Variants in MYO1B observed in about 807,000 individuals in gnomAD.
MYO1B encodes the protein unconventional myosin-Ib.
In MYO1B, 72 loss-of-function variants were observed where a neutral mutation model predicts 159.7. That is an observed-to-expected ratio of 0.45 (90% CI 0.37 to 0.55). MYO1B has a LOEUF of 0.55. Among genes scored for constraint, MYO1B ranks in the 20% least tolerant of loss-of-function variants. MYO1B has a pLI of 0.00. For synonymous variants in MYO1B, 468 were observed against 473.8 expected (o/e 0.99, Z 0.16); for missense variants, 1,062 against 1,364.8 (o/e 0.78, Z 3.50).
In MYO1B at chr2:191,393,155, G is replaced by A; in HGVS notation, c.2159G>A (p.Cys720Tyr). The A allele has an allele frequency of 6.2e-7, 1 of 1,614,016 alleles. No individual in the cohort carries two copies. The highest frequency in any genetic ancestry group is 2.2e-5 in the East Asian group (1 of 44,872). ...CAGAAGATATATCGGGGGTGGAAAT[G>A]CCGCACACACTTCCTGCTAATGAAA... ...LIQKIYRGWK[C>Y]RTHFLLMKKS... Residue 720 changes from cysteine (C) to tyrosine (Y), a missense_variant, in exon 20 of 31, where the codon TGC becomes TAC. This residue lies in a region of MYO1B where 609 missense variants were observed against 744.4 expected (regional missense o/e 0.82). Coordinates refer to ENST00000392318, the MANE Select transcript of MYO1B (RefSeq NM_001130158.3).
chr2:191,371,003 GAA>G (rs564941631), intron 13 of MYO1B: 1 of 152,128 alleles, frequency 6.6e-6, no homozygotes, highest in African/African-American at 2.4e-5. Context: ...CATGGCCCCT[GAA>G]AAAAGTGATT....
chr2:191,301,889 G>C (rs535797578), intron 3 of MYO1B, among the ~76,000 whole-genome samples: 1 of 152,298 alleles, frequency 6.6e-6, no homozygotes, highest in South Asian at 2.1e-4. Context: ...TCTAAAATCA[G>C]ATCATGTTAC....
intron 3 of MYO1B, among the ~76,000 whole-genome samples, chr2:191,297,670 G>A (rs914081678): frequency 6.6e-6 from 1 of 152,144 alleles, no homozygotes; most frequent in Non-Finnish European, 1.5e-5. Flanking sequence ...ATTGGTCATT[G>A]GCATATTGGT....
intron 2 of MYO1B, among the ~76,000 whole-genome samples, chr2:191,288,104 C>T (rs978902422): frequency 6.6e-6 from 1 of 152,056 alleles, no homozygotes; most frequent in African/African-American, 2.4e-5. Flanking sequence ...ATCTATTCAT[C>T]TGTCGCTGGA....
intron 7 of MYO1B, among the ~76,000 whole-genome samples, chr2:191,351,656 G>C (rs1265519112): frequency 4.6e-5 from 7 of 152,184 alleles, no homozygotes; most frequent in African/African-American, 1.7e-4. Context: ...GGAGACTGAG[G>C]CAGGGGGATC....
chr2:191,404,243 G>A (rs571409139), intron 24 of MYO1B, among the ~76,000 whole-genome samples: 3 of 152,206 alleles, frequency 2.0e-5, no homozygotes, highest in African/African-American at 7.2e-5. Context: ...TTCCCCAGGG[G>A]GCACCATCGT....
intron 22 of MYO1B, 134 bp from the exon 23 acceptor site, chr2:191,400,615 G>T: frequency 2.3e-6 from 3 of 1,307,964 alleles, no homozygotes; most frequent in East Asian, 2.4e-5. Flanking sequence ...ATTTTGTTGT[G>T]GGGTGGTGGC....
chr2:191,358,948 T>G (rs1010413499), intron 7 of MYO1B, among the ~76,000 whole-genome samples: 1 of 152,258 alleles, frequency 6.6e-6, no homozygotes, highest in Non-Finnish European at 1.5e-5. Context: ...ATGACCTGTT[T>G]GAAGGAATTC....
intron 26 of MYO1B, 24 bp downstream of exon 26, chr2:191,409,202 T>A (rs1238964680): frequency 6.3e-7 from 1 of 1,591,258 alleles, no homozygotes; most frequent in East Asian, 2.2e-5. Flanking sequence ...TATTACATCT[T>A]TTCGGAGACT....
At chr2:191,414,893 A>C (rs1418777988) in intron 29 of MYO1B, among the ~76,000 whole-genome samples, 1 of 152,206 alleles carries the variant, frequency 6.6e-6, no homozygotes, top group Non-Finnish European at 1.5e-5. Flanking sequence ...AATACATAGA[A>C]ATATCAAGAT....
chr2:191,295,543 A>G (rs1688932416), intron 2 of MYO1B, among the ~76,000 whole-genome samples: 1 of 152,176 alleles, frequency 6.6e-6, no homozygotes, highest in Non-Finnish European at 1.5e-5. Flanking sequence ...TAATGAGATT[A>G]TGTGGTTTGA....
chr2:191,302,484 G>T (rs1329165762), intron 3 of MYO1B, among the ~76,000 whole-genome samples: 2 of 152,126 alleles, frequency 1.3e-5, no homozygotes, highest in Non-Finnish European at 2.9e-5. Flanking sequence ...AGTATAATGA[G>T]AATTTTTTTC....
At chr2:191,256,360 T>C (rs1686450589) in intron 1 of MYO1B, among the ~76,000 whole-genome samples, 1 of 152,172 alleles carries the variant, frequency 6.6e-6, no homozygotes, top group African/African-American at 2.4e-5. Context: ...ATAGTAAGGA[T>C]TAAATGAATC....
At position 191,386,140 on chromosome 2, in the gene MYO1B, G is replaced by A. The variant is rs573551843; in HGVS notation, c.1554+56G>A. 13 of 1,563,376 alleles carry A rather than the reference G, an allele frequency of 8.3e-6. No individual in the cohort carries two copies. In the African/African-American group the frequency reaches 1.4e-4, roughly 16 times the overall value. On this transcript the variant is annotated intron_variant, in intron 16 of 30. Coordinates refer to ENST00000392318, the MANE Select transcript of MYO1B (RefSeq NM_001130158.3). Reference sequence around the variant, plus strand: ...CCTGCCAAGTTACCCCTGCAAGGAGGCTGTACCTCAGAGATGGGCGTTCGA... The same window carrying A: ...CCTGCCAAGTTACCCCTGCAAGGAGACTGTACCTCAGAGATGGGCGTTCGA...
chr2:191,409,229 GT>G (rs1294017193), intron 26 of MYO1B, 51 bp downstream of exon 26: 1 of 1,569,816 alleles, frequency 6.4e-7, no homozygotes, highest in Non-Finnish European at 8.7e-7. Context: ...TTTATTTTGA[GT>G]GTTTAAAAAC....
At chr2:191,355,556 G>C (rs181403456) in intron 7 of MYO1B, among the ~76,000 whole-genome samples, 1 of 152,162 alleles carries the variant, frequency 6.6e-6, no homozygotes, top group African/African-American at 2.4e-5. Flanking sequence ...TAGTCCTCTG[G>C]CACTTTGGTA....
chr2:191,307,181 A>G (rs1162332798), intron 3 of MYO1B, among the ~76,000 whole-genome samples: 1 of 150,936 alleles, frequency 6.6e-6, no homozygotes, highest in Non-Finnish European at 1.5e-5. Flanking sequence ...TGGATTTTTC[A>G]TGTGTTTTCC....
At chr2:191,380,664 A>G (rs1190145473) in intron 13 of MYO1B, among the ~76,000 whole-genome samples, 1 of 152,228 alleles carries the variant, frequency 6.6e-6, no homozygotes, top group Admixed American at 6.5e-5. Flanking sequence ...TTCATAAGAG[A>G]TTAATATGAA....
chr2:191,325,760 G>A (rs1691017865), intron 3 of MYO1B, among the ~76,000 whole-genome samples: 1 of 152,128 alleles, frequency 6.6e-6, no homozygotes. Flanking sequence ...CGAACACTCT[G>A]AACAGAAATA....
Sources: allele counts gnomAD v4.1 joint callset (sites outside exome capture counted in the v4.1 genomes callset), GRCh38; gene constraint gnomAD v4.1.1; regional missense constraint gnomAD v4.1.1; transcripts MANE v1.5; gene names NCBI Gene and HGNC (gene_info 2026-07-23, HGNC 2026-07-21).